Variants in PPM1L observed in about 807,000 individuals in gnomAD.
PPM1L encodes the protein protein phosphatase 1L.
Under a neutral mutation model 31.4 loss-of-function variants are expected in PPM1L, and 13 were observed. That is an observed-to-expected ratio of 0.41 (90% CI 0.27 to 0.66). PPM1L has a LOEUF of 0.66. PPM1L is among the 30% of genes least tolerant of loss of function. The probability of loss-of-function intolerance (pLI) is 0.29; values close to 1 mark genes in which losing one functional copy is unlikely to be tolerated. For synonymous variants in PPM1L, 184 were observed against 175.4 expected (o/e 1.05, Z -0.39); for missense variants, 326 against 453.7 (o/e 0.72, Z 2.56).
intron 2 of PPM1L, among the ~76,000 whole-genome samples, chr3:161,031,324 A>G (rs1400287529): frequency 6.6e-6 from 1 of 152,230 alleles, no homozygotes; most frequent in East Asian, 1.9e-4. Flanking sequence ...TTGTTGAGCA[A>G]CAACTATGTA....
At chr3:161,045,478 C>T (rs1468070976) in intron 2 of PPM1L, among the ~76,000 whole-genome samples, 2 of 152,146 alleles carry the variant, frequency 1.3e-5, no homozygotes, top group African/African-American at 2.4e-5. Flanking sequence ...TAATCAAAAC[C>T]GTTCAACTAC....
intron 2 of PPM1L, among the ~76,000 whole-genome samples, chr3:160,982,718 T>G (rs991384566): frequency 1.3e-5 from 2 of 152,184 alleles, no homozygotes; most frequent in African/African-American, 4.8e-5. Context: ...GGAGCTTGTC[T>G]TTTTCTTTCA....
intron 1 of PPM1L, among the ~76,000 whole-genome samples, chr3:160,947,103 A>G (rs1055046960): frequency 2.6e-5 from 4 of 152,314 alleles, no homozygotes; most frequent in Non-Finnish European, 4.4e-5. Context: ...TTAACTGGCA[A>G]GTCAGGAGCT....
chr3:161,032,585 G>A (rs956673896), intron 2 of PPM1L, among the ~76,000 whole-genome samples: 8 of 151,894 alleles, frequency 5.3e-5, no homozygotes, highest in Admixed American at 3.9e-4. Context: ...GAATCCTAAT[G>A]AGGGGATGGG....
chr3:160,997,555 T>C (rs1035749566), intron 2 of PPM1L, among the ~76,000 whole-genome samples: 9 of 152,194 alleles, frequency 5.9e-5, no homozygotes, highest in African/African-American at 1.9e-4. Context: ...AAGTATGTCA[T>C]AAGAAATTTT....
intron 1 of PPM1L, among the ~76,000 whole-genome samples, chr3:160,763,775 A>G (rs776528691): frequency 3.3e-5 from 5 of 152,294 alleles, no homozygotes; most frequent in Middle Eastern, 3.4e-3. Context: ...GAGAGGGTCA[A>G]TTGGGAAGCT....
At chr3:160,766,025 GCTAGT>G (rs1715093228) in intron 1 of PPM1L, among the ~76,000 whole-genome samples, 1 of 152,044 alleles carries the variant, frequency 6.6e-6, no homozygotes, top group Non-Finnish European at 1.5e-5. Flanking sequence ...TTTGGTTATG[GCTAGT>G]TATAATCTGT....
chr3:160,843,095 A>G (rs1713942009), intron 1 of PPM1L, among the ~76,000 whole-genome samples: 1 of 152,028 alleles, frequency 6.6e-6, no homozygotes, highest in African/African-American at 2.4e-5. Context: ...TTTTTTTAAA[A>G]AAAATTGTTT....
At chr3:160,909,900 A>G (rs1713895587) in intron 1 of PPM1L, among the ~76,000 whole-genome samples, 1 of 152,196 alleles carries the variant, frequency 6.6e-6, no homozygotes, top group African/African-American at 2.4e-5. Context: ...CAGAGTTTGT[A>G]GAAGTAGCTC....
chr3:160,762,311 T>C (rs1054495098), intron 1 of PPM1L, among the ~76,000 whole-genome samples: 13 of 152,224 alleles, frequency 8.5e-5, no homozygotes, highest in African/African-American at 3.1e-4. Flanking sequence ...AAAAAATTTT[T>C]TTTTCAATGA....
intron 2 of PPM1L, among the ~76,000 whole-genome samples, chr3:160,974,158 G>C (rs1199720911): frequency 4.6e-5 from 7 of 151,340 alleles, no homozygotes; most frequent in Non-Finnish European, 1.0e-4. Context: ...TACTGAGAAT[G>C]ATGATTTCCA....
chr3:161,048,088 G>A (rs1351379456), intron 2 of PPM1L, among the ~76,000 whole-genome samples: 4 of 152,280 alleles, frequency 2.6e-5, no homozygotes, highest in East Asian at 3.9e-4. Context: ...TTGACAAATG[G>A]GATCTAATTA....
At chr3:160,918,531 T>C (rs1714270272) in intron 1 of PPM1L, among the ~76,000 whole-genome samples, 1 of 152,192 alleles carries the variant, frequency 6.6e-6, no homozygotes, top group South Asian at 2.1e-4. Context: ...AAAATAAAAC[T>C]GAATCTGAAA....
At chr3:160,789,615 A>G (rs925025978) in intron 1 of PPM1L, among the ~76,000 whole-genome samples, 31 of 152,034 alleles carry the variant, frequency 2.0e-4, no homozygotes, top group African/African-American at 6.8e-4. Flanking sequence ...TATGTTAAGG[A>G]ACTATATGTA....
At chr3:160,919,974 T>C (rs1472614196) in intron 1 of PPM1L, among the ~76,000 whole-genome samples, 1 of 152,146 alleles carries the variant, frequency 6.6e-6, no homozygotes, top group Non-Finnish European at 1.5e-5. Flanking sequence ...CCCTCTCCCC[T>C]GCAACACTGT....
chr3:160,994,598 A>G (rs1717246693), intron 2 of PPM1L, among the ~76,000 whole-genome samples: 2 of 152,194 alleles, frequency 1.3e-5, no homozygotes, highest in African/African-American at 2.4e-5. Flanking sequence ...CTACAGGGTT[A>G]TTCTCATGGT....
At chr3:161,043,553 G>A (rs1012778221) in intron 2 of PPM1L, among the ~76,000 whole-genome samples, 13 of 152,332 alleles carry the variant, frequency 8.5e-5, no homozygotes, top group Middle Eastern at 3.4e-3. Flanking sequence ...CCCACTTCTA[G>A]GGTGGTGCCC....
intron 1 of PPM1L, among the ~76,000 whole-genome samples, chr3:160,891,658 A>C (rs1713148015): frequency 6.6e-6 from 1 of 152,182 alleles, no homozygotes; most frequent in Non-Finnish European, 1.5e-5. Context: ...TATATACCCA[A>C]AGGAATATTA....
At chr3:160,803,689 A>G (rs748619662) in intron 1 of PPM1L, among the ~76,000 whole-genome samples, 24 of 152,228 alleles carry the variant, frequency 1.6e-4, no homozygotes, top group Non-Finnish European at 3.1e-4. Flanking sequence ...CTAATAAACA[A>G]TCTCTTCTAA....
Sources: allele counts gnomAD v4.1 joint callset (sites outside exome capture counted in the v4.1 genomes callset), GRCh38; gene constraint gnomAD v4.1.1; transcripts MANE v1.5; gene names NCBI Gene and HGNC (gene_info 2026-07-23, HGNC 2026-07-21).